The following CMPK2 variants were observed in gnomAD, a reference collection of about 807,000 sequenced individuals.
CMPK2 encodes the protein UMP-CMP kinase 2, mitochondrial.
Under a neutral mutation model 33.4 loss-of-function variants are expected in CMPK2, and 32 were observed. The observed-to-expected ratio is 0.96, with a 90% confidence interval of 0.72 to 1.29. CMPK2 has a LOEUF of 1.29. Among genes scored for constraint, CMPK2 ranks in the 50% most tolerant of loss-of-function variants. The pLI is 0.00. For synonymous variants in CMPK2, 299 were observed against 275.3 expected, an observed-to-expected ratio of 1.09 and a Z score of -0.85; for missense variants, 672 against 616.0, an observed-to-expected ratio of 1.09 and a Z score of -0.96.
At chr2:6,847,331 C>T (rs137936145), downstream of CMPK2, among the ~76,000 whole-genome samples, 43 of 152,294 alleles carry the variant, frequency 2.8e-4, no homozygotes, top group Admixed American at 6.5e-4. Context: ...ACTGTGCCCA[C>T]GCCCACAAAA....
At position 6,863,220 on chromosome 2, in the gene CMPK2, C is replaced by T. The variant is rs532049120; in HGVS notation, c.790+244G>A. On this transcript the variant is annotated intron_variant, in intron 2 of 4. Transcript: ENST00000256722. ...TCCACCCGACAAAGCCCCACAGAGG[C>T]CAGATTCAGTGCCCTTCCTGTGTTC... Among the ~76,000 whole-genome samples the T allele has an allele frequency of 1.6e-4, 25 of 152,278 alleles. 1 individual carries two copies. The highest frequency in any genetic ancestry group is 5.1e-4 in the African/African-American group (21 of 41,544).
At chr2:6,856,793 T>C (rs1662715917) in intron 3 of CMPK2, among the ~76,000 whole-genome samples, 5 of 152,250 alleles carry the variant, frequency 3.3e-5, no homozygotes, top group Admixed American at 3.3e-4. Context: ...GACATTTTCA[T>C]TCAACATTAC....
chr2:6,844,278 C>A (rs1412187397), downstream of CMPK2, among the ~76,000 whole-genome samples: 1 of 152,262 alleles, frequency 6.6e-6, no homozygotes, highest in East Asian at 1.9e-4. Context: ...ACCAAAGTAG[C>A]CACTTTCAAG....
At chr2:6,857,590 T>C (rs1229526303) in intron 3 of CMPK2, among the ~76,000 whole-genome samples, 1 of 151,920 alleles carries the variant, frequency 6.6e-6, no homozygotes, top group African/African-American at 2.4e-5. Context: ...AGTGCTTGGA[T>C]TACAGGTGTG....
At chr2:6,858,631 A>G (rs1662785152) in intron 3 of CMPK2, among the ~76,000 whole-genome samples, 1 of 152,202 alleles carries the variant, frequency 6.6e-6, no homozygotes, top group African/African-American at 2.4e-5. Flanking sequence ...GAGTTTCCCT[A>G]CACAAGCTCT....
In CMPK2 at chr2:6,865,660, A is replaced by T; in HGVS notation, c.37T>A (p.Ser13Thr). The T allele has an allele frequency of 3.0e-6, 4 of 1,319,564 alleles. No individual in the cohort carries two copies. The highest frequency in any genetic ancestry group is 3.8e-6 in the Non-Finnish European group (4 of 1,042,934). 81.7% of individuals were successfully genotyped at this position (1,319,564 alleles called of 1,614,324 possible). The change falls in exon 1 of 5, where the codon TCG (serine) becomes ACG (threonine). Residue 13 changes from serine (S) to threonine (T), a missense_variant. Physicochemically the swap from Ser to Thr is moderately conservative, Grantham distance 58. Coordinates refer to ENST00000256722, the MANE Select transcript of CMPK2 (RefSeq NM_207315.4). ...FARRLLRGPLSGPLLGRRGVC... is the reference protein window; with the variant it reads ...FARRLLRGPLTGPLLGRRGVC... ...CCGCGCCGCCCGAGCAGCGGCCCCG[A>T]CAGTGGCCCGCGCAGGAGCCGGCGG... is the stretch of plus-strand genomic sequence containing the variant.
intron 3 of CMPK2, among the ~76,000 whole-genome samples, chr2:6,854,350 C>T (rs998908381): frequency 3.9e-5 from 6 of 152,216 alleles, no homozygotes; most frequent in African/African-American, 9.6e-5. Context: ...CCACAGTCCC[C>T]GTTAAAAATT....
At chr2:6,846,299 A>G (rs1469589911), downstream of CMPK2, among the ~76,000 whole-genome samples, 1 of 152,196 alleles carries the variant, frequency 6.6e-6, no homozygotes, top group African/African-American at 2.4e-5. Flanking sequence ...TGGAGGAAAA[A>G]AACAACCCAA....
intron 2 of CMPK2, among the ~76,000 whole-genome samples, chr2:6,861,650 C>T (rs931815653): frequency 6.6e-6 from 1 of 152,122 alleles, no homozygotes; most frequent in African/African-American, 2.4e-5. Flanking sequence ...ACTTTTATTC[C>T]CGGCAGCCCA....
At chr2:6,847,671 T>G (rs561120733), downstream of CMPK2, among the ~76,000 whole-genome samples, 1 of 152,314 alleles carries the variant, frequency 6.6e-6, no homozygotes, top group South Asian at 2.1e-4. Context: ...TTTAGTGTCA[T>G]CCTCATCTCT....
chr2:6,865,626 G>A lies in CMPK2; in HGVS notation c.71C>T (p.Ala24Val). Residue 24 changes from alanine (A) to valine (V), a missense_variant, in exon 1 of 5, where the codon GCT (alanine) becomes GTT (valine). Ala to Val is a moderately conservative substitution (Grantham distance 64). Transcript: ENST00000256722. ...GPLLGRRGVC[A>V]GAMAPPRRFV... ...GCGGCGCGGCGGAGCCATGGCCCCA[G>A]CGCAGACCCCGCGCCGCCCGAGCAG... 6 of 1,372,100 alleles carry A rather than the reference G, an allele frequency of 4.4e-6. No individual in the cohort carries two copies. Among genetic ancestry groups the A allele is most frequent in the Non-Finnish European group, 5.6e-6 (6 of 1,064,974 alleles). 85.0% of individuals were successfully genotyped at this position (1,372,100 alleles called of 1,614,324 possible).
chr2:6,856,832 T>C (rs1476417385), intron 3 of CMPK2, among the ~76,000 whole-genome samples: 1 of 152,246 alleles, frequency 6.6e-6, no homozygotes, highest in Non-Finnish European at 1.5e-5. Context: ...CCCTCATGCA[T>C]TGCACAACAT....
chr2:6,859,769 T>G (rs1236042895), intron 3 of CMPK2, among the ~76,000 whole-genome samples: 1 of 152,106 alleles, frequency 6.6e-6, no homozygotes, highest in Non-Finnish European at 1.5e-5. Context: ...GGAAGGGAAA[T>G]GTGGGGTTGG....
chr2:6,866,316 G>A (rs1188827753), upstream of CMPK2: 15 of 521,900 alleles, frequency 2.9e-5, no homozygotes, highest in Non-Finnish European at 3.7e-5. Flanking sequence ...ATCCTGCAGA[G>A]CTGCTTTCCT....
downstream of CMPK2, among the ~76,000 whole-genome samples, chr2:6,847,577 T>G (rs1572132109): frequency 2.0e-5 from 3 of 152,234 alleles, no homozygotes; most frequent in East Asian, 5.8e-4. Flanking sequence ...CTTTTTACAT[T>G]ATGTGGGGTG....
chr2:6,853,454 A>G (rs998176434), intron 3 of CMPK2, among the ~76,000 whole-genome samples: 1 of 152,174 alleles, frequency 6.6e-6, no homozygotes, highest in Admixed American at 6.5e-5. Context: ...CATCTGGAAA[A>G]CACAGATCAT....
Position 6,862,536 on chromosome 2 carries a change from C to A in CMPK2, c.790+928G>T, listed in dbSNP as rs558587234. 2.0e-5 allele frequency among the ~76,000 whole-genome samples: 3 copies of A among 152,306 alleles called. No homozygotes were observed. In the East Asian group the frequency reaches 5.8e-4, roughly 29 times the overall value. ...ACCAAATCTAAATTAGCTGTGGGTA[C>A]AAAATAAATGATCAACAAAACACAT... On this transcript the variant is annotated intron_variant, in intron 2 of 4. Transcript: ENST00000256722.
In CMPK2 at chr2:6,849,160, G is replaced by A. The variant is rs1662436894; in HGVS notation, c.*690C>T. On this transcript the variant is annotated 3_prime_UTR_variant, in exon 5 of 5. Transcript: ENST00000256722. Reference sequence around the variant, plus strand: ...AGCAAAATATAATTCAGAGAAGGTTGGTATATTTGCAGTTGGAGCATCTTG... The same window carrying A: ...AGCAAAATATAATTCAGAGAAGGTTAGTATATTTGCAGTTGGAGCATCTTG... 9 of 984,668 alleles carry A rather than the reference G, an allele frequency of 9.1e-6. No individual in the cohort carries two copies. The South Asian group carries it at 2.8e-4, about 31-fold the overall frequency. The allele number at this position is 984,668 out of a possible 1,614,324, so 61.0% of individuals were successfully genotyped here. A position where few individuals can be genotyped will look rare whatever the true frequency, so the allele number is the denominator to read the frequency against.
rs543649120 is a variant in CMPK2 at position 6,848,394 on chromosome 2, C to T, written c.*1456G>A. 9 of 984,882 alleles carry T rather than the reference C, an allele frequency of 9.1e-6. No homozygotes were observed. Among genetic ancestry groups the T allele is most frequent in the Non-Finnish European group, 9.6e-6 (8 of 829,466 alleles). 61.0% of individuals were successfully genotyped at this position (984,882 alleles called of 1,614,324 possible). The stretch of plus-strand genomic sequence containing the variant: ...ATTAATTGTTTGTTTTTCTAGGCTG[C>T]CAGTATAAGCTTTTCAAAATGTTTA... On this transcript the variant is annotated 3_prime_UTR_variant, in exon 5 of 5. Transcript: ENST00000256722.
Sources: allele counts gnomAD v4.1 joint callset (sites outside exome capture counted in the v4.1 genomes callset), GRCh38; gene constraint gnomAD v4.1.1; transcripts MANE v1.5; gene names NCBI Gene and HGNC (gene_info 2026-07-23, HGNC 2026-07-21).